Variants in RAPGEF4 observed in about 807,000 individuals in gnomAD.
The protein encoded by RAPGEF4 is RAP guanine-nucleotide-exchange factor (GEF) 4.
A neutral mutation model predicts 147.9 loss-of-function variants in RAPGEF4; 66 were observed. The ratio of observed to expected loss-of-function variants is 0.45; its 90% CI spans 0.37 to 0.55. The LOEUF is 0.55. Ranked by LOEUF, RAPGEF4 falls within the 20% of genes least tolerant of loss-of-function variation. The pLI is 0.00. For missense variants in RAPGEF4, 1,071 were observed against 1,257.3 expected (o/e 0.85, Z 2.24); for synonymous variants, 419 against 442.7 (o/e 0.95, Z 0.67).
At chr2:172,815,867 A>C (rs965431949) in intron 4 of RAPGEF4, among the ~76,000 whole-genome samples, 2 of 152,190 alleles carry the variant, frequency 1.3e-5, no homozygotes, top group Non-Finnish European at 2.9e-5. Context: ...CAAACTTATT[A>C]TTTAAAAAAA....
chr2:172,880,766 T>C (rs554470333), intron 4 of RAPGEF4, among the ~76,000 whole-genome samples: 7 of 152,280 alleles, frequency 4.6e-5, no homozygotes, highest in Admixed American at 3.3e-4. Context: ...TCCTCCTCTG[T>C]AAAATGGAGA....
intron 4 of RAPGEF4, among the ~76,000 whole-genome samples, chr2:172,890,768 A>G (rs371559115): frequency 6.6e-6 from 1 of 152,316 alleles, no homozygotes; most frequent in East Asian, 1.9e-4. Context: ...AATAATTTCT[A>G]TTCTTTCACT....
At chr2:173,001,073 T>C (rs1430300665) in intron 16 of RAPGEF4, among the ~76,000 whole-genome samples, 193 bp from the exon 17 acceptor site, 1 of 152,176 alleles carries the variant, frequency 6.6e-6, no homozygotes, top group African/African-American at 2.4e-5. Flanking sequence ...TTGTCCATTG[T>C]CATAAGAAAC....
intron 30 of RAPGEF4, 21 bp downstream of exon 30, chr2:173,048,675 T>A (rs1685805382): frequency 6.2e-7 from 1 of 1,613,990 alleles, no homozygotes; most frequent in Non-Finnish European, 8.5e-7. Context: ...TGCTGCCACC[T>A]CTTACAATGT....
chr2:172,780,423 T>G (rs1345618357), intron 1 of RAPGEF4, among the ~76,000 whole-genome samples: 1 of 152,176 alleles, frequency 6.6e-6, no homozygotes, highest in Non-Finnish European at 1.5e-5. Context: ...TTAGCAAAGT[T>G]TGTTATGTAG....
chr2:173,031,401 T>C (rs1267409851), intron 26 of RAPGEF4, among the ~76,000 whole-genome samples: 10 of 152,192 alleles, frequency 6.6e-5, no homozygotes, highest in Non-Finnish European at 1.5e-4. Flanking sequence ...TGCAACTCCC[T>C]CGTCTTATAG....
chr2:173,004,235 G>T (rs1384905642), intron 17 of RAPGEF4, among the ~76,000 whole-genome samples: 2 of 152,068 alleles, frequency 1.3e-5, no homozygotes, highest in African/African-American at 4.8e-5. Context: ...CCTTTTATGT[G>T]CTAATGAGAG....
At chr2:172,778,764 G>C (rs561541238) in intron 1 of RAPGEF4, among the ~76,000 whole-genome samples, 9 of 151,920 alleles carry the variant, frequency 5.9e-5, no homozygotes, top group Non-Finnish European at 1.2e-4. Context: ...TGAATATTTA[G>C]GTTTACTTAA....
Position 172,957,961 on chromosome 2 carries a change from A to C in RAPGEF4, c.538-2799A>C, listed in dbSNP as rs191977874. The stretch of plus-strand genomic sequence containing the variant: ...TGTCCAACAAAATAAAGTAGCCTAG[A>C]GACCACTTGTTAGCATTTTGTTAAA... On this transcript the variant is annotated intron_variant, in intron 6 of 30. Transcript: ENST00000397081. Among the ~76,000 whole-genome samples the C allele has an allele frequency of 2.0e-5, 3 of 152,390 alleles. No homozygotes were observed. The East Asian group carries it at 5.8e-4, about 29-fold the overall frequency.
intron 5 of RAPGEF4, among the ~76,000 whole-genome samples, chr2:172,920,972 T>G (rs533943274): frequency 6.6e-6 from 1 of 152,196 alleles, no homozygotes; most frequent in African/African-American, 2.4e-5. Flanking sequence ...GACTGCGTTT[T>G]TATGTCTTGT....
At chr2:172,772,365 A>T (rs1375134199) in intron 1 of RAPGEF4, among the ~76,000 whole-genome samples, 2 of 151,586 alleles carry the variant, frequency 1.3e-5, no homozygotes, top group East Asian at 3.9e-4. Context: ...TTTTATTGAG[A>T]TGGAGTCTTG....
At chr2:172,866,189 C>T (rs781072955) in intron 4 of RAPGEF4, among the ~76,000 whole-genome samples, 3 of 152,116 alleles carry the variant, frequency 2.0e-5, no homozygotes, top group Non-Finnish European at 4.4e-5. Context: ...CCTTTTATAG[C>T]CAATCTTTGT....
intron 23 of RAPGEF4, among the ~76,000 whole-genome samples, chr2:173,026,331 C>T (rs886666488): frequency 1.5e-4 from 23 of 152,194 alleles, no homozygotes; most frequent in Admixed American, 1.1e-3. Flanking sequence ...TTCACTGAAT[C>T]TTATTTGCCG....
rs59582070 is a variant in RAPGEF4 at position 172,983,472 on chromosome 2, C to CTT, written c.1005-12_1005-11dup. 3.2e-3 allele frequency: 4,751 copies of CTT among 1,489,400 alleles called. 2 individuals carry two copies. Among genetic ancestry groups the CTT allele is most frequent in the South Asian group, 7.7e-3 (605 of 78,076 alleles). 92.3% of individuals were successfully genotyped at this position (1,489,400 alleles called of 1,614,324 possible). A position where few individuals can be genotyped will look rare whatever the true frequency, so the allele number is the denominator to read the frequency against. On this transcript the variant is annotated intron_variant, in intron 10 of 30. Transcript: ENST00000397081. Reference sequence around the variant, plus strand: ...CTAGTGATGCCCTTTTTCCATATTCCTTTTTTTTTTTTTATCTTTGTAGAC... The same window carrying CTT: ...CTAGTGATGCCCTTTTTCCATATTCCTTTTTTTTTTTTTTTATCTTTGTAGAC...
chr2:172,961,224 T>C lies in RAPGEF4; in HGVS notation c.694T>C (p.Tyr232His), dbSNP rs767530650. Residue 232 changes from tyrosine to histidine, a missense_variant, in exon 8 of 31, where the codon TAC (tyrosine) becomes CAC (histidine). Coordinates refer to ENST00000397081, the MANE Select transcript of RAPGEF4 (RefSeq NM_007023.4). ...AGATAGAAAATACCACCTAAAGACATACAGGTATGTGTGCTAATTCTAAAG... is the reference window on the plus strand; with the variant it reads ...AGATAGAAAATACCACCTAAAGACACACAGGTATGTGTGCTAATTCTAAAG... ...IRDRKYHLKT[Y>H]RQCCVGTELV... 1.3e-6 allele frequency: 2 copies of C among 1,581,970 alleles called. No homozygotes were observed. The highest frequency in any genetic ancestry group is 1.7e-6 in the Non-Finnish European group (2 of 1,150,778).
chr2:172,830,014 T>C (rs1690119192), intron 4 of RAPGEF4, among the ~76,000 whole-genome samples: 2 of 152,038 alleles, frequency 1.3e-5, no homozygotes, highest in African/African-American at 4.8e-5. Flanking sequence ...CACATATAAA[T>C]TATGATTAAC....
intron 1 of RAPGEF4, among the ~76,000 whole-genome samples, chr2:172,736,881 A>C (rs1370417543): frequency 6.6e-6 from 1 of 152,246 alleles, no homozygotes; most frequent in Non-Finnish European, 1.5e-5. Context: ...AATCTTGCAG[A>C]GTGAACTGCC....
At chr2:172,788,289 A>G (rs1054839529) in intron 1 of RAPGEF4, among the ~76,000 whole-genome samples, 5 of 152,238 alleles carry the variant, frequency 3.3e-5, no homozygotes, top group Admixed American at 6.5e-5. Flanking sequence ...ATTTACATGC[A>G]TGAAACATGA....
intron 10 of RAPGEF4, among the ~76,000 whole-genome samples, chr2:172,979,365 C>G (rs1472847931): frequency 6.6e-6 from 1 of 152,186 alleles, no homozygotes; most frequent in African/African-American, 2.4e-5. Flanking sequence ...TGTGTTCACT[C>G]ATACGATGAG....
Sources: gnomAD v4.1 joint callset for allele counts (sites outside exome capture counted in the v4.1 genomes callset) on GRCh38, gnomAD v4.1.1 for gene constraint, MANE v1.5 for transcripts, NCBI Gene and HGNC (gene_info 2026-07-23, HGNC 2026-07-21) for gene names.